Variants in DHCR24 observed in about 807,000 individuals in gnomAD.
The protein encoded by DHCR24 is delta(24)-sterol reductase.
Under a neutral mutation model 61.2 loss-of-function variants are expected in DHCR24, and 28 were observed. The observed-to-expected ratio is 0.46, with a 90% CI of 0.34 to 0.63. The LOEUF (loss-of-function observed/expected upper bound fraction) is 0.63. Among genes scored for constraint, DHCR24 ranks in the 20% least tolerant of loss-of-function variants. The pLI is 0.01. For missense variants in DHCR24, 538 were observed against 679.1 expected (o/e 0.79, Z 2.31); for synonymous variants, 261 against 275.9 (o/e 0.95, Z 0.54).
At position 54,883,656 on chromosome 1, in the gene DHCR24, T is replaced by C. The variant is rs1647076657; in HGVS notation, c.349A>G (p.Asn117Asp). 1 of 1,614,210 alleles carries C rather than the reference T, an allele frequency of 6.2e-7. No individual in the cohort carries two copies. The change falls in exon 2 of 9, where the codon AAC becomes GAC. Residue 117 changes from asparagine to aspartate, a missense_variant. Coordinates refer to ENST00000371269, the MANE Select transcript of DHCR24 (RefSeq NM_014762.4). This position sits in a 1 kb window ranked among gnomAD's most constrained non-coding sequence, Gnocchi z 4.3. ...YKKTHKNIMI[N>D]LMDILEVDTK... is the part of the protein sequence containing the mutation. ...TCCACTTCCAGAATGTCCATCAGGT[T>C]GATCATGATGTTTTTGTGTGTCTTC...
intron 1 of DHCR24, among the ~76,000 whole-genome samples, chr1:54,885,816 G>A (rs971510134): frequency 6.6e-6 from 1 of 152,310 alleles, no homozygotes; most frequent in South Asian, 2.1e-4. Context: ...CAGGTAAATG[G>A]AGAATTTGAA....
At chr1:54,855,745 C>G (rs971046848) in intron 6 of DHCR24, among the ~76,000 whole-genome samples, 2 of 152,226 alleles carry the variant, frequency 1.3e-5, no homozygotes, top group Non-Finnish European at 2.9e-5. Context: ...AGATCCTGCG[C>G]CTTTGCCAAT....
At chr1:54,865,714 C>T (rs1010376475) in intron 5 of DHCR24, among the ~76,000 whole-genome samples, 4 of 152,178 alleles carry the variant, frequency 2.6e-5, no homozygotes, top group Non-Finnish European at 4.4e-5. Context: ...TCAGCGACCC[C>T]GCCTAGCCTG....
Position 54,887,096 on chromosome 1 carries a change from G to C in DHCR24, c.24C>G (p.Ala8=). ...ACAGCAGGAAGAGCAGCGCGCACAC[G>C]GCCAGCGACACGGCGGGCTCCATGG... MEPAVSL[A]VCALLFLLWV... Residue 8 remains alanine, a synonymous_variant, in exon 1 of 9, where the codon GCC becomes GCG. Transcript: ENST00000371269. 1 of 1,598,182 alleles carries C rather than the reference G, an allele frequency of 6.3e-7. No homozygotes were observed. Among genetic ancestry groups the C allele is most frequent in the Non-Finnish European group, 8.5e-7 (1 of 1,172,862 alleles).
chr1:54,856,265 C>T (rs1054942292), intron 6 of DHCR24, among the ~76,000 whole-genome samples: 2 of 152,072 alleles, frequency 1.3e-5, no homozygotes, highest in African/African-American at 2.4e-5. Context: ...CCTTATGGTC[C>T]GAAAAACCTA....
chr1:54,875,878 A>C, intron 3 of DHCR24, 64 bp downstream of exon 3: 5 of 1,368,610 alleles, frequency 3.7e-6, no homozygotes, highest in Non-Finnish European at 5.2e-6. Context: ...AGGGTGGCCA[A>C]GGCCCATCAG....
chr1:54,880,584 G>A (rs1647058674), intron 2 of DHCR24, among the ~76,000 whole-genome samples: 1 of 151,918 alleles, frequency 6.6e-6, no homozygotes, highest in African/African-American at 2.4e-5. Flanking sequence ...GACCAATGTG[G>A]TGAAACCCCC....
rs200633798 is a variant in DHCR24 at position 54,854,251 on chromosome 1, A to G, written c.1021-17T>C. 1 of 1,605,278 alleles carries G rather than the reference A, an allele frequency of 6.2e-7. No homozygotes were observed. The highest frequency in any genetic ancestry group is 8.5e-7 in the Non-Finnish European group (1 of 1,175,490). On this transcript the variant is annotated splice_polypyrimidine_tract_variant and intron_variant, in intron 6 of 8. Transcript: ENST00000371269. Reference sequence around the variant, plus strand: ...GATAATGTCCTGGAAAACAAAGATTAGGGTTGGAGAGAAAAAAACCAACAA... The same window carrying G: ...GATAATGTCCTGGAAAACAAAGATTGGGGTTGGAGAGAAAAAAACCAACAA...
At chr1:54,862,716 T>G (rs540452864) in intron 6 of DHCR24, among the ~76,000 whole-genome samples, 1 of 152,294 alleles carries the variant, frequency 6.6e-6, no homozygotes, top group East Asian at 1.9e-4. Context: ...GCTCCTGCTG[T>G]CATCCCACCT....
In DHCR24 at chr1:54,871,407, G is replaced by C. The variant is rs758190462; in HGVS notation, c.819C>G (p.Ser273=). The stretch of plus-strand genomic sequence containing the variant: ...CTGTCATAATGACAGCCTCATCCAG[G>C]GAGTAGAGCAGCCCTTCCACGAAGT... The part of the protein sequence containing the change: ...ENHFVEGLLY[S]LDEAVIMTGV... The change falls in exon 5 of 9, where the codon TCC becomes TCG. Residue 273 remains serine, a synonymous_variant. Transcript: ENST00000371269. 1.2e-6 allele frequency: 2 copies of C among 1,614,178 alleles called. No homozygotes were observed. Among genetic ancestry groups the C allele is most frequent in the Admixed American group, 3.3e-5 (2 of 60,030 alleles).
chr1:54,858,888 C>T (rs549595506), intron 6 of DHCR24, among the ~76,000 whole-genome samples: 5 of 152,212 alleles, frequency 3.3e-5, no homozygotes, highest in East Asian at 3.9e-4. Context: ...CGCCCACCTC[C>T]GCCTCCCAAA....
At chr1:54,874,443 T>C (rs1647015477) in intron 4 of DHCR24, among the ~76,000 whole-genome samples, 1 of 152,252 alleles carries the variant, frequency 6.6e-6, no homozygotes, top group Admixed American at 6.5e-5. Flanking sequence ...CCTACAGTAT[T>C]GAGCACAGTA....
intron 2 of DHCR24, among the ~76,000 whole-genome samples, chr1:54,882,705 A>C (rs898523318): frequency 3.3e-5 from 5 of 152,246 alleles, no homozygotes; most frequent in African/African-American, 1.2e-4. Flanking sequence ...ACATGGATGA[A>C]TCTCCAAATA....
chr1:54,879,334 A>G (rs1209648651), intron 2 of DHCR24, among the ~76,000 whole-genome samples: 1 of 86,144 alleles, frequency 1.2e-5, no homozygotes, highest in Non-Finnish European at 2.4e-5. Flanking sequence ...AAAAAAAAAA[A>G]AAAAAAAAAA....
intron 6 of DHCR24, among the ~76,000 whole-genome samples, chr1:54,864,229 A>T (rs1646955514): frequency 6.6e-6 from 1 of 152,220 alleles, no homozygotes; most frequent in African/African-American, 2.4e-5. Flanking sequence ...GAAAACAAGT[A>T]TTCAAACAAA....
intron 6 of DHCR24, among the ~76,000 whole-genome samples, chr1:54,861,008 AAAAC>A (rs1349226284): frequency 6.6e-6 from 1 of 151,982 alleles, no homozygotes; most frequent in Non-Finnish European, 1.5e-5. Flanking sequence ...AAAAAAAAAA[AAAAC>A]TTTTGGTAAT....
rs571389651 is a variant in DHCR24 at position 54,861,205 on chromosome 1, G to C, written c.1020+4098C>G. ...AGTGTGGGAGCGGAAGTGAGCATGT[G>C]GCCTAGTGACTGTTTTTGTAAATTT... is the stretch of plus-strand genomic sequence containing the variant. On this transcript the variant is annotated intron_variant, in intron 6 of 8. Transcript: ENST00000371269. 3.2e-4 allele frequency among the ~76,000 whole-genome samples: 49 copies of C among 152,140 alleles called. 1 individual carries two copies. The highest frequency in any genetic ancestry group is 6.5e-4 in the Non-Finnish European group (44 of 68,032).
Position 54,853,632 on chromosome 1 carries a change from G to C in DHCR24, c.1219-20C>G, listed in dbSNP as rs369085854. ...GTAGACCTGGGTAGACCAGGGAGGTGGGTATTGGTGCTTTTTCTCCAACAG... is the reference window on the plus strand; with the variant it reads ...GTAGACCTGGGTAGACCAGGGAGGTCGGTATTGGTGCTTTTTCTCCAACAG... On this transcript the variant is annotated intron_variant, in intron 7 of 8. Transcript: ENST00000371269. 7 of 1,607,774 alleles carry C rather than the reference G, an allele frequency of 4.4e-6. No individual in the cohort carries two copies. Among genetic ancestry groups the C allele is most frequent in the Non-Finnish European group, 5.9e-6 (7 of 1,177,496 alleles).
intron 5 of DHCR24, among the ~76,000 whole-genome samples, chr1:54,870,661 G>A (rs144446849): frequency 2.3e-4 from 35 of 152,280 alleles, no homozygotes; most frequent in African/African-American, 7.5e-4. Flanking sequence ...GAAACCATCC[G>A]TTTTTTGGCC....
Sources: gnomAD v4.1 joint callset for allele counts (sites outside exome capture counted in the v4.1 genomes callset) on GRCh38, gnomAD v4.1.1 for gene constraint, Gnocchi (gnomAD v3.1) non-coding constraint, MANE v1.5 for transcripts, NCBI Gene and HGNC (gene_info 2026-07-23, HGNC 2026-07-21) for gene names.